Variants in FRK observed in about 807,000 individuals in gnomAD.
The protein encoded by FRK is tyrosine-protein kinase FRK.
FRK carries 51 observed loss-of-function variants against 56.4 expected under a neutral mutation model. That is an observed-to-expected ratio of 0.90 (90% confidence interval 0.72 to 1.14). The LOEUF (loss-of-function observed/expected upper bound fraction) is 1.14, where lower values mean the gene tolerates loss of function less well. FRK is among the 50% of genes most tolerant of loss of function. The pLI, the probability that FRK is intolerant of heterozygous loss-of-function variation, is 0.00. For synonymous variants in FRK, 245 were observed against 217.9 expected (o/e 1.12, Z -1.10); for missense variants, 570 against 601.4 (o/e 0.95, Z 0.55).
intron 1 of FRK, among the ~76,000 whole-genome samples, chr6:116,058,685 C>T (rs1361424453): frequency 6.6e-6 from 1 of 151,856 alleles, no homozygotes; most frequent in African/African-American, 2.4e-5. Context: ...CCGAGGCGGG[C>T]GGATCACGAG....
chr6:115,986,468 A>G (rs751434689), intron 2 of FRK, among the ~76,000 whole-genome samples: 1 of 152,154 alleles, frequency 6.6e-6, no homozygotes, highest in Non-Finnish European at 1.5e-5. Context: ...GACATTTCAA[A>G]GAAAGCACTG....
At chr6:115,960,231 G>C (rs1449219358) in intron 4 of FRK, among the ~76,000 whole-genome samples, 2 of 151,148 alleles carry the variant, frequency 1.3e-5, no homozygotes, top group Non-Finnish European at 3.0e-5. Flanking sequence ...TGCCTCACCT[G>C]GGAAGCGCAA....
rs577441358 is a variant in FRK at position 116,016,668 on chromosome 6, G to T, written c.345-12670C>A. 7.2e-5 allele frequency among the ~76,000 whole-genome samples: 11 copies of T among 152,244 alleles called. No individual in the cohort carries two copies. The South Asian group carries it at 2.1e-3, about 29-fold the overall frequency. ...GCAGGTGCCCCCAGGGAGTCAAGGT[G>T]TGAGACCTGGTCTGCTACAGGTCAG... On this transcript the variant is annotated intron_variant, in intron 1 of 7. Coordinates refer to ENST00000606080, the MANE Select transcript of FRK (RefSeq NM_002031.3).
At chr6:116,035,736 A>C (rs1171126505) in intron 1 of FRK, among the ~76,000 whole-genome samples, 1 of 152,104 alleles carries the variant, frequency 6.6e-6, no homozygotes, top group Admixed American at 6.6e-5. Flanking sequence ...CGTTTTCCTT[A>C]ATCACTACTG....
chr6:115,933,719 A>T lies in FRK; in HGVS notation c.*8695T>A, dbSNP rs2114486348. 1 of 152,346 alleles carries T rather than the reference A, an allele frequency of 6.6e-6. No homozygotes were observed. The highest frequency in any genetic ancestry group is 2.4e-5 in the African/African-American group (1 of 41,586). The allele number at this position is 152,346 out of a possible 1,614,324, so 9.4% of individuals were successfully genotyped here. A position where few individuals can be genotyped will look rare whatever the true frequency, so the allele number is the denominator to read the frequency against. ...TCATTTCTATATGTGCGCAAGAAAA[A>T]TTAAACATGAAATGAATTCAAAGAA... On this transcript the variant is annotated 3_prime_UTR_variant, in exon 8 of 8. Transcript: ENST00000606080.
the FRK span, among the ~76,000 whole-genome samples, chr6:116,076,252 G>A: frequency 6.6e-6 from 1 of 152,088 alleles, no homozygotes; most frequent in Admixed American, 6.6e-5. Flanking sequence ...AGTATGTTAT[G>A]ATGGATGTCA....
At chr6:115,978,774 TAAC>T (rs1774084100) in intron 2 of FRK, among the ~76,000 whole-genome samples, 1 of 152,194 alleles carries the variant, frequency 6.6e-6, no homozygotes, top group Admixed American at 6.6e-5. Flanking sequence ...TAATATATGA[TAAC>T]AATAATTAAT....
rs958523137 is a variant in FRK, at chr6:115,934,466, C to T, written c.*7948G>A. ...CAGATGAGGAGAAGAGAACGCGGAA[C>T]CCCAGTTTTGCCATTGATAGCCATC... On this transcript the variant is annotated 3_prime_UTR_variant, in exon 8 of 8. Transcript: ENST00000606080. The T allele has an allele frequency of 2.0e-5, 3 of 152,148 alleles. No homozygotes were observed. The highest frequency in any genetic ancestry group is 7.2e-5 in the African/African-American group (3 of 41,402). 9.4% of individuals were successfully genotyped at this position (152,148 alleles called of 1,614,324 possible). A position where few individuals can be genotyped will look rare whatever the true frequency, so the allele number is the denominator to read the frequency against.
intron 3 of FRK, among the ~76,000 whole-genome samples, chr6:115,968,113 C>T (rs1181693304): frequency 3.9e-5 from 6 of 152,242 alleles, no homozygotes; most frequent in African/African-American, 1.4e-4. Flanking sequence ...TATGTATCAC[C>T]TATTTTTGCA....
chr6:116,035,668 C>T (rs1002100031), intron 1 of FRK, among the ~76,000 whole-genome samples: 3 of 152,076 alleles, frequency 2.0e-5, no homozygotes, highest in African/African-American at 7.2e-5. Context: ...CTGTATGTAG[C>T]TATTCCTTAA....
At chr6:115,982,341 A>C (rs1170474969) in intron 2 of FRK, among the ~76,000 whole-genome samples, 1 of 152,062 alleles carries the variant, frequency 6.6e-6, no homozygotes, top group African/African-American at 2.4e-5. Context: ...CTGGGTTTCT[A>C]CTTTGTAGAT....
At chr6:116,024,471 T>C (rs1245635995) in intron 1 of FRK, among the ~76,000 whole-genome samples, 8 of 147,504 alleles carry the variant, frequency 5.4e-5, no homozygotes, top group Non-Finnish European at 9.0e-5. Flanking sequence ...TGTGTCCATG[T>C]GTTCTCATTG....
chr6:116,062,002 G>C (rs1035045137), upstream of FRK, among the ~76,000 whole-genome samples: 5 of 151,010 alleles, frequency 3.3e-5, no homozygotes, highest in African/African-American at 1.2e-4. Context: ...AAGAAAGAAA[G>C]AAGGAAAGAA....
chr6:116,015,338 C>T (rs1775609648), intron 1 of FRK, among the ~76,000 whole-genome samples: 1 of 152,186 alleles, frequency 6.6e-6, no homozygotes, highest in Non-Finnish European at 1.5e-5. Context: ...TCCCCTTCCA[C>T]CATGATTGTA....
At chr6:116,041,169 TTCA>T (rs1404180692) in intron 1 of FRK, among the ~76,000 whole-genome samples, 1 of 152,250 alleles carries the variant, frequency 6.6e-6, no homozygotes, top group Non-Finnish European at 1.5e-5. Context: ...TTCAAAGTGA[TTCA>T]TCATCAAAAC....
At position 115,942,282 on chromosome 6, in the gene FRK, T is replaced by A; in HGVS notation, c.*132A>T. Reference sequence around the variant, plus strand: ...CACAAATAATCTTTTTCATAATACATGGCCAACTTTATCCTATCACTTGAA... The same window carrying A: ...CACAAATAATCTTTTTCATAATACAAGGCCAACTTTATCCTATCACTTGAA... On this transcript the variant is annotated 3_prime_UTR_variant, in exon 8 of 8. Coordinates refer to ENST00000606080, the MANE Select transcript of FRK (RefSeq NM_002031.3). 2 of 728,836 alleles carry A rather than the reference T, an allele frequency of 2.7e-6. No individual in the cohort carries two copies. The highest frequency in any genetic ancestry group is 4.5e-6 in the Non-Finnish European group (2 of 440,066). 45.1% of individuals were successfully genotyped at this position (728,836 alleles called of 1,614,324 possible).
chr6:116,089,502 C>T, the FRK span, among the ~76,000 whole-genome samples: 1 of 152,178 alleles, frequency 6.6e-6, no homozygotes, highest in Non-Finnish European at 1.5e-5. Context: ...GTATTTCTTA[C>T]AGTTCTGGAG....
chr6:116,029,650 A>C (rs180938374), intron 1 of FRK, among the ~76,000 whole-genome samples: 1 of 152,134 alleles, frequency 6.6e-6, no homozygotes, highest in Non-Finnish European at 1.5e-5. Flanking sequence ...ATTTACATTA[A>C]CTATTCATCT....
chr6:116,017,807 T>C (rs1039525074), intron 1 of FRK, among the ~76,000 whole-genome samples: 5 of 152,116 alleles, frequency 3.3e-5, no homozygotes, highest in African/African-American at 1.2e-4. Context: ...TCTCTTAACA[T>C]CTTCTCCTAA....
Sources: allele counts gnomAD v4.1 joint callset (sites outside exome capture counted in the v4.1 genomes callset), GRCh38; gene constraint gnomAD v4.1.1; transcripts MANE v1.5; gene names NCBI Gene and HGNC (gene_info 2026-07-23, HGNC 2026-07-21).